EPB41L4A: variants seen among roughly 807,000 people sequenced by gnomAD.
EPB41L4A encodes band 4.1-like protein 4A.
A neutral mutation model predicts 108.6 loss-of-function variants in EPB41L4A; 100 were observed. The observed-to-expected ratio is 0.92, with a 90% confidence interval of 0.78 to 1.09. The LOEUF is 1.09. EPB41L4A is among the 50% of genes least tolerant of loss of function. The pLI is 0.00. For missense variants in EPB41L4A, 1,030 were observed against 842.7 expected (o/e 1.22, Z -2.75); for synonymous variants, 319 against 289.0 (o/e 1.10, Z -1.05).
At chr5:112,173,624 G>A (rs1304375045) in intron 18 of EPB41L4A, 1 of 147,040 alleles carries the variant, frequency 6.8e-6, no homozygotes, top group Non-Finnish European at 1.5e-5. Context: ...CATCTCAGAA[G>A]AATTAGAGAA....
intron 1 of EPB41L4A, among the ~76,000 whole-genome samples, chr5:112,367,024 C>G (rs1759162707): frequency 6.6e-6 from 1 of 152,192 alleles, no homozygotes; most frequent in South Asian, 2.1e-4. Context: ...GGACAACACA[C>G]AGAGGACACA....
chr5:112,418,016 T>A (rs952813726), intron 1 of EPB41L4A, among the ~76,000 whole-genome samples: 2 of 152,098 alleles, frequency 1.3e-5, no homozygotes, highest in Non-Finnish European at 2.9e-5. Flanking sequence ...CTGAACTCGA[T>A]TTCTCAGAAA....
At chr5:112,398,483 G>A (rs1309847713) in intron 1 of EPB41L4A, among the ~76,000 whole-genome samples, 1 of 152,214 alleles carries the variant, frequency 6.6e-6, no homozygotes, top group South Asian at 2.1e-4. Flanking sequence ...CTGCCTCCCG[G>A]GTTCAAGTGA....
intron 12 of EPB41L4A, among the ~76,000 whole-genome samples, chr5:112,216,000 G>T (rs1251837235): frequency 6.6e-6 from 1 of 152,100 alleles, no homozygotes; most frequent in Non-Finnish European, 1.5e-5. Flanking sequence ...AAGCTCCAGG[G>T]TTTCATTTGT....
At chr5:112,242,038 C>G (rs999225340) in intron 9 of EPB41L4A, among the ~76,000 whole-genome samples, 2 of 152,188 alleles carry the variant, frequency 1.3e-5, no homozygotes, top group African/African-American at 4.8e-5. Context: ...GTGGAAGGTA[C>G]TGCCTCAATG....
intron 17 of EPB41L4A, among the ~76,000 whole-genome samples, chr5:112,184,655 T>C (rs937222145): frequency 2.6e-5 from 4 of 152,230 alleles, no homozygotes; most frequent in African/African-American, 9.6e-5. Flanking sequence ...GGTGGCATAA[T>C]GCATTAGCTG....
chr5:112,349,116 T>C (rs1292170816), intron 1 of EPB41L4A, among the ~76,000 whole-genome samples: 1 of 152,160 alleles, frequency 6.6e-6, no homozygotes, highest in African/African-American at 2.4e-5. Context: ...AGGTTGGTGA[T>C]GACACAGAGG....
intron 12 of EPB41L4A, among the ~76,000 whole-genome samples, chr5:112,153,151 G>A (rs1292981084): frequency 1.3e-5 from 2 of 151,936 alleles, no homozygotes; most frequent in Non-Finnish European, 1.5e-5. Context: ...CCTGGAAGGT[G>A]GAGGTTGCAG....
chr5:112,316,405 AT>A (rs879485649), intron 1 of EPB41L4A, among the ~76,000 whole-genome samples: 1 of 152,134 alleles, frequency 6.6e-6, no homozygotes, highest in Non-Finnish European at 1.5e-5. Context: ...AATTACATTA[AT>A]TTTTTTAGCT....
intron 1 of EPB41L4A, among the ~76,000 whole-genome samples, chr5:112,359,836 A>G (rs1028819271): frequency 6.6e-6 from 1 of 152,162 alleles, no homozygotes; most frequent in Non-Finnish European, 1.5e-5. Context: ...CACTGTGCCC[A>G]GCCAAAAGTC....
At chr5:112,245,394 CA>C (rs1474750822) in intron 9 of EPB41L4A, among the ~76,000 whole-genome samples, 1 of 152,108 alleles carries the variant, frequency 6.6e-6, no homozygotes, top group Non-Finnish European at 1.5e-5. Flanking sequence ...TTAATAAGGA[CA>C]GAATATTTAT....
chr5:112,219,865 T>G (rs1348220558), intron 12 of EPB41L4A, among the ~76,000 whole-genome samples: 2 of 152,076 alleles, frequency 1.3e-5, no homozygotes, highest in Non-Finnish European at 2.9e-5. Flanking sequence ...CCAGCTAATT[T>G]TTGTATTTTT....
At chr5:112,255,814 A>T (rs992745779) in intron 9 of EPB41L4A, among the ~76,000 whole-genome samples, 1 of 152,084 alleles carries the variant, frequency 6.6e-6, no homozygotes, top group African/African-American at 2.4e-5. Flanking sequence ...TTCTTATTTA[A>T]TATCTCCCCT....
downstream of EPB41L4A, chr5:112,162,044 G>C (rs1759940524): frequency 6.6e-6 from 1 of 152,202 alleles, no homozygotes; most frequent in Non-Finnish European, 1.5e-5. Context: ...TGTAGTAATT[G>C]AGTTTTTTAA....
At chr5:112,397,425 A>G (rs1465239373) in intron 1 of EPB41L4A, among the ~76,000 whole-genome samples, 1 of 152,240 alleles carries the variant, frequency 6.6e-6, no homozygotes, top group Non-Finnish European at 1.5e-5. Flanking sequence ...ACTAAGCACC[A>G]AACTGTGCAT....
intron 9 of EPB41L4A, among the ~76,000 whole-genome samples, chr5:112,243,289 A>T (rs556519660): frequency 4.7e-4 from 35 of 74,300 alleles, no homozygotes; most frequent in African/African-American, 8.7e-4. Context: ...ATATATATAT[A>T]TATTTTGTTT....
chr5:112,371,607 G>C (rs1454991662), intron 1 of EPB41L4A, among the ~76,000 whole-genome samples: 3 of 152,116 alleles, frequency 2.0e-5, no homozygotes, highest in African/African-American at 7.2e-5. Flanking sequence ...AATGTCCAAG[G>C]ACAAACAGTT....
intron 12 of EPB41L4A, among the ~76,000 whole-genome samples, chr5:112,226,003 A>G (rs1242889136): frequency 6.6e-6 from 1 of 152,206 alleles, no homozygotes; most frequent in Non-Finnish European, 1.5e-5. Context: ...ATGCTCAGCG[A>G]TCATTAGTCC....
intron 1 of EPB41L4A, among the ~76,000 whole-genome samples, chr5:112,351,582 G>C (rs1383581001): frequency 1.3e-5 from 2 of 152,108 alleles, no homozygotes; most frequent in Non-Finnish European, 2.9e-5. Flanking sequence ...TCAAAAACCT[G>C]AAGAGGAGGG....
Sources: allele counts gnomAD v4.1 joint callset (sites outside exome capture counted in the v4.1 genomes callset), GRCh38; gene constraint gnomAD v4.1.1; transcripts MANE v1.5; gene names NCBI Gene and HGNC (gene_info 2026-07-23, HGNC 2026-07-21).